The following KCNB2 variants were observed in gnomAD, a reference collection of about 807,000 sequenced individuals.
KCNB2 encodes the protein potassium voltage-gated channel subfamily B member 2.
A neutral mutation model predicts 61.5 loss-of-function variants in KCNB2; 15 were observed. The observed-to-expected ratio is 0.24, with a 90% CI of 0.16 to 0.38. The LOEUF is 0.38. Among genes scored for constraint, KCNB2 ranks in the 10% least tolerant of loss-of-function variants. KCNB2 has a pLI of 1.00. For synonymous variants in KCNB2, 457 were observed against 446.0 expected, an observed-to-expected ratio of 1.02 and a Z score of -0.31; for missense variants, 828 against 1,125.2, an observed-to-expected ratio of 0.74 and a Z score of 3.78.
intron 2 of KCNB2, among the ~76,000 whole-genome samples, chr8:72,933,076 A>C (rs944085404): frequency 6.6e-6 from 1 of 152,260 alleles, no homozygotes; most frequent in Admixed American, 6.5e-5. Context: ...GGTTTTCTTT[A>C]ACGTGAATAT....
intron 2 of KCNB2, among the ~76,000 whole-genome samples, chr8:72,809,635 C>A (rs1385913002): frequency 6.6e-6 from 1 of 152,146 alleles, no homozygotes; most frequent in African/African-American, 2.4e-5. Flanking sequence ...AATATGACTT[C>A]TATTACTTCT....
chr8:72,774,481 G>C (rs145201904), intron 2 of KCNB2, among the ~76,000 whole-genome samples: 1,665 of 152,188 alleles, frequency 0.011, 13 homozygotes, highest in Non-Finnish European at 0.016. Flanking sequence ...CTCCTGAGTA[G>C]CTGGATTACA....
chr8:72,897,729 C>A (rs943676912), intron 2 of KCNB2, among the ~76,000 whole-genome samples: 8 of 152,068 alleles, frequency 5.3e-5, no homozygotes, highest in African/African-American at 1.9e-4. Context: ...TTTGATCATA[C>A]CTTTGAAAGC....
chr8:72,761,734 T>C (rs775604365), intron 2 of KCNB2, among the ~76,000 whole-genome samples: 43 of 152,140 alleles, frequency 2.8e-4, no homozygotes, highest in Non-Finnish European at 5.9e-4. Flanking sequence ...AATGAATGCA[T>C]ACCAACAAAA....
chr8:72,715,442 A>G (rs1405371091), intron 2 of KCNB2, among the ~76,000 whole-genome samples: 1 of 152,218 alleles, frequency 6.6e-6, no homozygotes, highest in African/African-American at 2.4e-5. Context: ...GTAAAAGAAC[A>G]GAAATTATAA....
At chr8:72,676,107 C>CAAACCT (rs1806649543) in intron 2 of KCNB2, among the ~76,000 whole-genome samples, 1 of 152,160 alleles carries the variant, frequency 6.6e-6, no homozygotes, top group African/African-American at 2.4e-5. Flanking sequence ...CTCTACCTCC[C>CAAACCT]AAACCTACTT....
chr8:72,901,502 C>A (rs986035577), intron 2 of KCNB2, among the ~76,000 whole-genome samples: 1 of 152,070 alleles, frequency 6.6e-6, no homozygotes, highest in Non-Finnish European at 1.5e-5. Flanking sequence ...TCTTCTATAC[C>A]TTGCTTTTTT....
chr8:72,834,386 A>G (rs892208109), intron 2 of KCNB2, among the ~76,000 whole-genome samples: 66 of 152,240 alleles, frequency 4.3e-4, no homozygotes, highest in African/African-American at 1.5e-3. Context: ...AGAAAATAAT[A>G]GCTGAAGCAG....
rs148712543 is a variant in KCNB2 at position 72,892,138 on chromosome 8, T to G, written c.580-43797T>G. Reference sequence around the variant, plus strand: ...GGAGAGGAAATCTGAAGTTTCTCCCTGAGCTGTATTAGGTTCTTCATTTTA... The same window carrying G: ...GGAGAGGAAATCTGAAGTTTCTCCCGGAGCTGTATTAGGTTCTTCATTTTA... On this transcript the variant is annotated intron_variant, in intron 2 of 2. Coordinates refer to ENST00000523207, the MANE Select transcript of KCNB2 (RefSeq NM_004770.3). Among the ~76,000 whole-genome samples, 248 of 152,322 alleles carry G rather than the reference T, an allele frequency of 1.6e-3. 1 individual carries two copies. Among genetic ancestry groups the G allele is most frequent in the African/African-American group, 5.7e-3 (239 of 41,576 alleles).
intron 2 of KCNB2, among the ~76,000 whole-genome samples, chr8:72,890,517 G>A (rs1046387054): frequency 6.6e-6 from 1 of 152,152 alleles, no homozygotes; most frequent in Non-Finnish European, 1.5e-5. Flanking sequence ...TGAGGCTCAG[G>A]TCCCTTCCCC....
At chr8:72,764,673 C>T (rs904116903) in intron 2 of KCNB2, among the ~76,000 whole-genome samples, 1 of 152,140 alleles carries the variant, frequency 6.6e-6, no homozygotes, top group African/African-American at 2.4e-5. Context: ...TTCCATTTGC[C>T]TATGTTCTTT....
rs533020108 is a variant in KCNB2, at chr8:72,707,830, A to G, written c.579+139517A>G. Among the ~76,000 whole-genome samples, 5 of 152,342 alleles carry G rather than the reference A, an allele frequency of 3.3e-5. No homozygotes were observed. In the South Asian group the frequency reaches 1.0e-3, roughly 32 times the overall value. On this transcript the variant is annotated intron_variant, in intron 2 of 2. Transcript: ENST00000523207. ...GAAATCATCAATTAAGGTATCAGCCAGCAGGAAACAGACCACAGAACACAT... is the reference window on the plus strand; with the variant it reads ...GAAATCATCAATTAAGGTATCAGCCGGCAGGAAACAGACCACAGAACACAT...
chr8:72,917,256 A>G (rs1806418469), intron 2 of KCNB2, among the ~76,000 whole-genome samples: 1 of 152,366 alleles, frequency 6.6e-6, no homozygotes, highest in East Asian at 1.9e-4. Flanking sequence ...TACAGCAAAG[A>G]GAAACAAGGA....
chr8:72,859,041 G>A (rs953191022), intron 2 of KCNB2, among the ~76,000 whole-genome samples: 5 of 152,140 alleles, frequency 3.3e-5, no homozygotes, highest in Admixed American at 2.0e-4. Flanking sequence ...GTCCTCATAG[G>A]TTGACCCTAC....
chr8:72,853,077 G>C (rs2129003484), intron 2 of KCNB2, among the ~76,000 whole-genome samples: 1 of 152,322 alleles, frequency 6.6e-6, no homozygotes, highest in South Asian at 2.1e-4. Flanking sequence ...TGACTCCAAA[G>C]CATAGTTGAT....
intron 2 of KCNB2, among the ~76,000 whole-genome samples, chr8:72,699,937 A>G (rs1274587498): frequency 6.6e-6 from 1 of 152,138 alleles, no homozygotes; most frequent in Non-Finnish European, 1.5e-5. Context: ...CAGATTTGGA[A>G]CCAACCCAAA....
At chr8:72,588,285 C>T (rs890011709) in intron 2 of KCNB2, among the ~76,000 whole-genome samples, 1 of 144,700 alleles carries the variant, frequency 6.9e-6, no homozygotes, top group East Asian at 2.0e-4. Flanking sequence ...ATGGCGTGAT[C>T]TTGGCTCACC....
chr8:72,561,777 GGATATATATATACA>G (rs1563523640), intron 1 of KCNB2, among the ~76,000 whole-genome samples: 2,342 of 29,978 alleles, frequency 0.078, 414 homozygotes, highest in African/African-American at 0.16. Context: ...ATATATATAT[GGATATATATATACA>G]TATATATATA....
intron 2 of KCNB2, among the ~76,000 whole-genome samples, chr8:72,919,797 A>G (rs772722733): frequency 3.9e-5 from 6 of 152,208 alleles, no homozygotes; most frequent in Non-Finnish European, 8.8e-5. Flanking sequence ...TGCTCGGTGT[A>G]TTTTTATCTG....
Sources: gnomAD v4.1 joint callset for allele counts (sites outside exome capture counted in the v4.1 genomes callset) on GRCh38, gnomAD v4.1.1 for gene constraint, MANE v1.5 for transcripts, NCBI Gene and HGNC (gene_info 2026-07-23, HGNC 2026-07-21) for gene names.